C5orf63: variants seen among roughly 807,000 people sequenced by gnomAD.
C5orf63 encodes the protein chromosome 5 open reading frame 63, also known as glutaredoxin-like protein C5orf63.
C5orf63 carries 18 observed loss-of-function variants against 13.3 expected under a neutral mutation model. The observed-to-expected ratio is 1.36, with a 90% CI of 0.94 to 2.01. The LOEUF is 2.01. C5orf63 is among the 30% of genes most tolerant of loss of function. C5orf63 has a pLI of 0.00. For synonymous variants in C5orf63, 38 were observed against 44.7 expected (o/e 0.85, Z 0.60); for missense variants, 118 against 127.7 (o/e 0.92, Z 0.36).
downstream of C5orf63, among the ~76,000 whole-genome samples, chr5:127,049,064 A>G (rs1003764771): frequency 1.3e-5 from 2 of 152,194 alleles, no homozygotes; most frequent in African/African-American, 2.4e-5. Context: ...ATTGTCCTAC[A>G]GGACTACTAG....
intron 2 of C5orf63, among the ~76,000 whole-genome samples, chr5:127,069,618 A>T (rs763119328): frequency 6.6e-6 from 1 of 152,208 alleles, no homozygotes; most frequent in African/African-American, 2.4e-5. Flanking sequence ...TGAGTTGCTA[A>T]ATCCAGCATT....
At chr5:127,062,579 A>T (rs759458263) in intron 2 of C5orf63, among the ~76,000 whole-genome samples, 29 of 152,320 alleles carry the variant, frequency 1.9e-4, no homozygotes, top group South Asian at 6.2e-4. Context: ...AGAAAAAAAT[A>T]AAATGAAAAA....
At chr5:127,057,904 G>A (rs982877155) in intron 3 of C5orf63, among the ~76,000 whole-genome samples, 1 of 152,182 alleles carries the variant, frequency 6.6e-6, no homozygotes. Flanking sequence ...AGCACAAGAA[G>A]ACTGTGATGT....
chr5:127,071,423 A>T (rs1754535383), intron 2 of C5orf63, among the ~76,000 whole-genome samples, 161 bp downstream of exon 2: 1 of 152,194 alleles, frequency 6.6e-6, no homozygotes, highest in South Asian at 2.1e-4. Flanking sequence ...CTGTACTGGG[A>T]TGGGAAGTTA....
chr5:127,048,385 G>A (rs972291679), downstream of C5orf63, among the ~76,000 whole-genome samples: 4 of 152,014 alleles, frequency 2.6e-5, no homozygotes, highest in Non-Finnish European at 4.4e-5. Flanking sequence ...TCTCTTGCCT[G>A]ATTTCCCAGG....
downstream of C5orf63, among the ~76,000 whole-genome samples, chr5:127,050,928 C>A (rs568571295): frequency 2.6e-5 from 4 of 152,070 alleles, no homozygotes; most frequent in African/African-American, 9.7e-5. Flanking sequence ...AATAAGGGTA[C>A]GCAAATACAT....
chr5:127,073,443 G>T lies in C5orf63; in HGVS notation c.-110+8C>A, dbSNP rs1368468208. The T allele has an allele frequency of 2.0e-5, 3 of 152,324 alleles. No homozygotes were observed. Among genetic ancestry groups the T allele is most frequent in the Non-Finnish European group, 4.4e-5 (3 of 68,136 alleles). 9.4% of individuals were successfully genotyped at this position (152,324 alleles called of 1,614,324 possible). A position where few individuals can be genotyped will look rare whatever the true frequency, so the allele number is the denominator to read the frequency against. On this transcript the variant is annotated splice_region_variant and intron_variant, in intron 1 of 4. Coordinates refer to ENST00000296662, the MANE Select transcript of C5orf63 (RefSeq NM_001164478.2). The stretch of plus-strand genomic sequence containing the variant: ...GCTCACCCTCGGCGCGGGACTAAGG[G>T]AACCCACCTGAGCCTCACGCCGCCA...
intron 2 of C5orf63, among the ~76,000 whole-genome samples, chr5:127,069,461 C>A (rs942947823): frequency 3.3e-5 from 5 of 152,206 alleles, no homozygotes; most frequent in Admixed American, 6.5e-5. Context: ...AAACCATCCA[C>A]CCAGGCAATG....
rs61563838 is a variant in C5orf63, at chr5:127,051,530, C to T, written c.*241G>A. ...AATAAGACAAATGGACTTCTCCCTC[C>T]CTCCATCATCTCCCTCCCTGCTAAT... On this transcript the variant is annotated 3_prime_UTR_variant, in exon 5 of 5. Transcript: ENST00000296662. 0.01 allele frequency: 12,710 copies of T among 1,237,860 alleles called. 827 individuals carry two copies. The African/African-American group carries it at 0.16, about 15-fold the overall frequency. 76.7% of individuals were successfully genotyped at this position (1,237,860 alleles called of 1,614,324 possible).
At chr5:127,071,296 A>G (rs1204087085) in intron 2 of C5orf63, among the ~76,000 whole-genome samples, 1 of 152,192 alleles carries the variant, frequency 6.6e-6, no homozygotes, top group Non-Finnish European at 1.5e-5. Flanking sequence ...GGAGATGGAT[A>G]CTTTCTAAAA....
intron 2 of C5orf63, among the ~76,000 whole-genome samples, chr5:127,065,916 C>G (rs1240255870): frequency 1.3e-5 from 2 of 152,076 alleles, no homozygotes; most frequent in Non-Finnish European, 2.9e-5. Context: ...AGGTACGTTG[C>G]CTTCATGGGG....
intron 2 of C5orf63, among the ~76,000 whole-genome samples, chr5:127,063,570 C>G (rs1754192282): frequency 6.6e-6 from 1 of 152,170 alleles, no homozygotes; most frequent in African/African-American, 2.4e-5. Flanking sequence ...AATTTTCAAG[C>G]TCATGTGATC....
intron 3 of C5orf63, among the ~76,000 whole-genome samples, chr5:127,053,064 C>T (rs1184589437): frequency 1.3e-5 from 2 of 152,198 alleles, no homozygotes; most frequent in East Asian, 1.9e-4. Flanking sequence ...TTAAAGTCTG[C>T]TCTGACTGAA....
chr5:127,060,141 A>G (rs545426739), intron 2 of C5orf63, among the ~76,000 whole-genome samples: 162 of 152,298 alleles, frequency 1.1e-3, no homozygotes, highest in African/African-American at 3.8e-3. Context: ...TACATCTCAA[A>G]AAAAACAAAA....
downstream of C5orf63, chr5:127,045,007 T>C (rs1039829310): frequency 6.6e-6 from 1 of 152,138 alleles, no homozygotes. Flanking sequence ...CCTTTCTGGA[T>C]GTCGTTTCTT....
At chr5:127,056,397 A>T (rs1464255532) in intron 3 of C5orf63, 3 of 152,982 alleles carry the variant, frequency 2.0e-5, no homozygotes, top group African/African-American at 7.2e-5. Context: ...TTGGACTTAC[A>T]GTTCCACATG....
intron 2 of C5orf63, among the ~76,000 whole-genome samples, chr5:127,061,501 G>C (rs1349791823): frequency 6.6e-6 from 1 of 152,196 alleles, no homozygotes; most frequent in East Asian, 1.9e-4. Context: ...GGAATATGAT[G>C]AGAATTTTAC....
downstream of C5orf63, chr5:127,044,559 T>G (rs1214962980): frequency 2.6e-5 from 4 of 152,150 alleles, no homozygotes. Flanking sequence ...GTACCAAATC[T>G]GTTCCAGGTG....
chr5:127,045,914 G>A (rs1200682135), exon 5 of C5orf63: 1 of 152,236 alleles, frequency 6.6e-6, no homozygotes, highest in African/African-American at 2.4e-5. Flanking sequence ...ATCACGTAAT[G>A]TAAATTGGAT....
Sources: allele counts gnomAD v4.1 joint callset (sites outside exome capture counted in the v4.1 genomes callset), GRCh38; gene constraint gnomAD v4.1.1; transcripts MANE v1.5; gene names NCBI Gene and HGNC (gene_info 2026-07-23, HGNC 2026-07-21).